The following HHAT variants were observed in gnomAD, a reference collection of about 807,000 sequenced individuals.
The protein encoded by HHAT is protein-cysteine N-palmitoyltransferase HHAT.
In HHAT, 47 loss-of-function variants were observed where a neutral mutation model predicts 70.8. The ratio of observed to expected loss-of-function variants is 0.66; its 90% CI spans 0.53 to 0.85. HHAT has a LOEUF of 0.85. Ranked by LOEUF, HHAT falls within the 40% of genes least tolerant of loss-of-function variation. HHAT has a pLI of 0.00. For synonymous variants in HHAT, 228 were observed against 247.6 expected, an observed-to-expected ratio of 0.92 and a Z score of 0.74; for missense variants, 609 against 604.8, an observed-to-expected ratio of 1.01 and a Z score of -0.07.
At chr1:210,504,841 C>T (rs1199043341) in intron 8 of HHAT, among the ~76,000 whole-genome samples, 1 of 151,730 alleles carries the variant, frequency 6.6e-6, no homozygotes, top group Non-Finnish European at 1.5e-5. Context: ...TCATGCTAGT[C>T]TAAGTGTCTA....
intron 11 of HHAT, among the ~76,000 whole-genome samples, chr1:210,672,214 A>C (rs934636531): frequency 7.9e-5 from 12 of 152,224 alleles, no homozygotes; most frequent in Non-Finnish European, 1.6e-4. Context: ...AAGAGCCTGC[A>C]CATATACCAC....
intron 7 of HHAT, among the ~76,000 whole-genome samples, chr1:210,457,570 C>T (rs1020232664): frequency 3.3e-5 from 5 of 152,078 alleles, no homozygotes; most frequent in East Asian, 1.9e-4. Context: ...CTGACACACA[C>T]GATGAGATTC....
At chr1:210,521,183 G>T (rs1442821570) in intron 9 of HHAT, among the ~76,000 whole-genome samples, 2 of 152,220 alleles carry the variant, frequency 1.3e-5, no homozygotes, top group African/African-American at 4.8e-5. Flanking sequence ...ATGAAATAGT[G>T]TGTGCCCTTT....
At chr1:210,348,632 G>A (rs17015995) in intron 1 of HHAT, among the ~76,000 whole-genome samples, 2,749 of 152,166 alleles carry the variant, frequency 0.018, 81 homozygotes, top group African/African-American at 0.063. Flanking sequence ...TATGCAATGG[G>A]TAGAGAACTG....
In HHAT at chr1:210,674,457, C is replaced by A; in HGVS notation, c.*78C>A. On this transcript the variant is annotated 3_prime_UTR_variant, in exon 12 of 12. Transcript: ENST00000261458. ...TTCACCCTGACCTCTCACTCCAGGACAGCCTCTAAGGGATTTGATCTGCTC... is the reference window on the plus strand; with the variant it reads ...TTCACCCTGACCTCTCACTCCAGGAAAGCCTCTAAGGGATTTGATCTGCTC... The A allele has an allele frequency of 3.5e-6, 4 of 1,132,044 alleles. No homozygotes were observed. The highest frequency in any genetic ancestry group is 5.3e-6 in the Non-Finnish European group (4 of 758,618). 70.1% of individuals were successfully genotyped at this position (1,132,044 alleles called of 1,614,324 possible).
intron 2 of HHAT, among the ~76,000 whole-genome samples, chr1:210,355,853 A>G (rs1291117848): frequency 6.6e-6 from 1 of 152,132 alleles, no homozygotes; most frequent in East Asian, 1.9e-4. Context: ...ACTTTTCAGT[A>G]CCTTTCAGGG....
intron 4 of HHAT, among the ~76,000 whole-genome samples, chr1:210,395,419 T>G (rs933739988): frequency 1.7e-5 from 2 of 115,616 alleles, no homozygotes; most frequent in Non-Finnish European, 3.6e-5. Flanking sequence ...CTGTAGTCTT[T>G]TCTTAAGGGC....
chr1:210,428,523 T>C (rs542292169), intron 7 of HHAT, among the ~76,000 whole-genome samples: 1 of 151,462 alleles, frequency 6.6e-6, no homozygotes, highest in Non-Finnish European at 1.5e-5. Context: ...GTTTTGTTCC[T>C]TAAGACTGTC....
chr1:210,469,962 A>G (rs1466131479), intron 8 of HHAT, among the ~76,000 whole-genome samples: 2 of 152,126 alleles, frequency 1.3e-5, no homozygotes, highest in Non-Finnish European at 2.9e-5. Context: ...CGCATGCATT[A>G]GGTATTTGTC....
chr1:210,385,817 C>G (rs2091003445), intron 3 of HHAT, among the ~76,000 whole-genome samples: 1 of 152,156 alleles, frequency 6.6e-6, no homozygotes, highest in Admixed American at 6.5e-5. Context: ...GCACTGTGTG[C>G]TGCTACAAAC....
At chr1:210,378,318 T>A (rs1558394499) in intron 3 of HHAT, among the ~76,000 whole-genome samples, 2 of 152,210 alleles carry the variant, frequency 1.3e-5, no homozygotes, top group South Asian at 4.1e-4. Context: ...TTAGAAATTA[T>A]ATATGGTCTC....
chr1:210,458,016 T>A (rs2093905109), intron 7 of HHAT, among the ~76,000 whole-genome samples: 1 of 152,142 alleles, frequency 6.6e-6, no homozygotes, highest in Non-Finnish European at 1.5e-5. Flanking sequence ...ATACAGATAA[T>A]AGAATACTAG....
intron 11 of HHAT, among the ~76,000 whole-genome samples, chr1:210,646,662 C>T (rs1162257660): frequency 6.6e-6 from 1 of 152,052 alleles, no homozygotes; most frequent in Non-Finnish European, 1.5e-5. Flanking sequence ...ATCCCATAAC[C>T]CAGAAATAAT....
At chr1:210,496,632 C>T (rs1001826535) in intron 8 of HHAT, among the ~76,000 whole-genome samples, 1 of 152,198 alleles carries the variant, frequency 6.6e-6, no homozygotes, top group Non-Finnish European at 1.5e-5. Context: ...TTAAGAAACA[C>T]TGCTGTACAG....
intron 11 of HHAT, among the ~76,000 whole-genome samples, chr1:210,670,161 C>T (rs931156133): frequency 4.6e-5 from 7 of 152,200 alleles, no homozygotes; most frequent in African/African-American, 1.7e-4. Context: ...AGCTTCTCCC[C>T]TTTGCTTTCC....
intron 8 of HHAT, among the ~76,000 whole-genome samples, chr1:210,474,944 A>G (rs1038507540): frequency 6.6e-6 from 1 of 151,472 alleles, no homozygotes; most frequent in African/African-American, 2.4e-5. Context: ...TCAACTTCCC[A>G]GGCTCAAGTG....
At position 210,400,672 on chromosome 1, in the gene HHAT, T is replaced by C. The variant is rs748827118; in HGVS notation, c.468+10T>C. ...TGTGGAAGAAGTTAAGGTAAGTGTTTTCCTGTTACCATTGGGAATCCAGAG... is the reference window on the plus strand; with the variant it reads ...TGTGGAAGAAGTTAAGGTAAGTGTTCTCCTGTTACCATTGGGAATCCAGAG... On this transcript the variant is annotated intron_variant, in intron 5 of 11. Coordinates refer to ENST00000261458, the MANE Select transcript of HHAT (RefSeq NM_018194.6). 3.7e-6 allele frequency: 6 copies of C among 1,607,500 alleles called. No individual in the cohort carries two copies. The highest frequency in any genetic ancestry group is 1.3e-5 in the African/African-American group (1 of 74,734).
intron 9 of HHAT, among the ~76,000 whole-genome samples, chr1:210,586,396 C>T (rs561710937): frequency 4.6e-5 from 7 of 152,154 alleles, no homozygotes; most frequent in Non-Finnish European, 1.0e-4. Context: ...GCTGTGACTG[C>T]ACCACTCTAC....
chr1:210,609,079 CTCT>C (rs1423215847), intron 10 of HHAT, among the ~76,000 whole-genome samples: 2 of 152,156 alleles, frequency 1.3e-5, no homozygotes, highest in African/African-American at 2.4e-5. Context: ...TCCACCTGGT[CTCT>C]TCTTTGACAC....
Sources: allele counts gnomAD v4.1 joint callset (sites outside exome capture counted in the v4.1 genomes callset), GRCh38; gene constraint gnomAD v4.1.1; transcripts MANE v1.5; gene names NCBI Gene and HGNC (gene_info 2026-07-23, HGNC 2026-07-21).